The following CSMD1 variants were observed in gnomAD, a reference collection of about 807,000 sequenced individuals.
CSMD1 encodes the protein CUB and Sushi multiple domains 1.
CSMD1 carries 213 observed loss-of-function variants against 417.5 expected under a neutral mutation model. The observed-to-expected ratio is 0.51, with a 90% CI of 0.46 to 0.57. The LOEUF is 0.57. CSMD1 is among the 20% of genes least tolerant of loss of function. The probability of loss-of-function intolerance (pLI) is 0.00; values close to 1 mark genes in which losing one functional copy is unlikely to be tolerated. For synonymous variants in CSMD1, 2,862 were observed against 1,736.8 expected, an observed-to-expected ratio of 1.65 and a Z score of -16.11; for missense variants, 6,923 against 4,529.7, an observed-to-expected ratio of 1.53 and a Z score of -15.17.
chr8:4,604,859 AG>A (rs1800785212), intron 2 of CSMD1, among the ~76,000 whole-genome samples: 1 of 152,338 alleles, frequency 6.6e-6, no homozygotes. Flanking sequence ...TGATAGCAAA[AG>A]GTAATTATTG....
intron 3 of CSMD1, among the ~76,000 whole-genome samples, chr8:4,319,729 C>A (rs1418025663): frequency 6.6e-6 from 1 of 152,038 alleles, no homozygotes; most frequent in African/African-American, 2.4e-5. Flanking sequence ...GGAAAAAGAA[C>A]TGAGACTTGC....
At chr8:3,555,642 T>G (rs1195607965) in intron 10 of CSMD1, among the ~76,000 whole-genome samples, 1 of 152,236 alleles carries the variant, frequency 6.6e-6, no homozygotes, top group African/African-American at 2.4e-5. Context: ...AAAGTAAATA[T>G]GGAAGTACAT....
At chr8:4,332,798 G>C (rs565130542) in intron 3 of CSMD1, among the ~76,000 whole-genome samples, 1 of 152,034 alleles carries the variant, frequency 6.6e-6, no homozygotes, top group African/African-American at 2.4e-5. Context: ...AGTTATGTGT[G>C]GAGACAGGAG....
intron 3 of CSMD1, among the ~76,000 whole-genome samples, chr8:4,080,227 TA>T (rs202078324): frequency 0.017 from 2,596 of 152,272 alleles, 44 homozygotes; most frequent in South Asian, 0.052. Context: ...GTCTCCTCCT[TA>T]AAACCCATCA....
intron 3 of CSMD1, among the ~76,000 whole-genome samples, chr8:4,226,674 T>C (rs1472650620): frequency 6.6e-6 from 1 of 152,098 alleles, no homozygotes; most frequent in Non-Finnish European, 1.5e-5. Flanking sequence ...AATTAGTAAA[T>C]GTATTCCTTT....
intron 62 of CSMD1, among the ~76,000 whole-genome samples, chr8:2,960,254 T>C (rs964089627): frequency 6.6e-6 from 1 of 152,198 alleles, no homozygotes; most frequent in Non-Finnish European, 1.5e-5. Context: ...GAAAATGTGC[T>C]AGAGTCAGTA....
intron 3 of CSMD1, among the ~76,000 whole-genome samples, chr8:4,068,737 T>C (rs545706134): frequency 2.0e-4 from 30 of 152,310 alleles, no homozygotes; most frequent in African/African-American, 7.0e-4. Flanking sequence ...GCCTGCGCTG[T>C]GTATTTCTGT....
At chr8:4,437,280 A>G (rs748201545) in intron 2 of CSMD1, among the ~76,000 whole-genome samples, 1 of 152,220 alleles carries the variant, frequency 6.6e-6, no homozygotes, top group Non-Finnish European at 1.5e-5. Context: ...CTTCCTTTTA[A>G]GTAACTGAAA....
intron 12 of CSMD1, among the ~76,000 whole-genome samples, chr8:3,421,164 C>G (rs1490685028): frequency 1.3e-5 from 2 of 152,108 alleles, no homozygotes; most frequent in Non-Finnish European, 2.9e-5. Flanking sequence ...TGGGCAATTT[C>G]TTTTCTTAAA....
At chr8:3,540,370 T>C (rs1167647651) in intron 10 of CSMD1, among the ~76,000 whole-genome samples, 2 of 152,030 alleles carry the variant, frequency 1.3e-5, no homozygotes, top group East Asian at 1.9e-4. Context: ...TCCTTTAAAA[T>C]CAAGTACAGC....
At chr8:3,496,890 C>A (rs1796386956) in intron 10 of CSMD1, among the ~76,000 whole-genome samples, 1 of 152,146 alleles carries the variant, frequency 6.6e-6, no homozygotes, top group Non-Finnish European at 1.5e-5. Flanking sequence ...TGGCCTATTT[C>A]TTCATAGACC....
At chr8:3,853,899 A>G (rs1267493293) in intron 5 of CSMD1, among the ~76,000 whole-genome samples, 1 of 146,576 alleles carries the variant, frequency 6.8e-6, no homozygotes, top group Non-Finnish European at 1.5e-5. Context: ...TTATACTTTA[A>G]TATATTAATA....
intron 12 of CSMD1, among the ~76,000 whole-genome samples, chr8:3,438,090 C>G (rs1347563096): frequency 6.6e-6 from 1 of 152,136 alleles, no homozygotes; most frequent in Admixed American, 6.5e-5. Flanking sequence ...AAGCTTCAGA[C>G]TTAGCTATTA....
At chr8:4,408,675 T>C (rs577042300) in intron 3 of CSMD1, among the ~76,000 whole-genome samples, 1 of 152,312 alleles carries the variant, frequency 6.6e-6, no homozygotes, top group South Asian at 2.1e-4. Flanking sequence ...TAGTTCATTT[T>C]CTTGAAACCA....
chr8:4,296,741 A>G (rs952198981), intron 3 of CSMD1, among the ~76,000 whole-genome samples: 2 of 103,934 alleles, frequency 1.9e-5, no homozygotes, highest in Non-Finnish European at 3.6e-5. Context: ...TCTATTGGGT[A>G]TATTTCTACT....
At chr8:4,381,185 C>T (rs889822917) in intron 3 of CSMD1, among the ~76,000 whole-genome samples, 7 of 152,114 alleles carry the variant, frequency 4.6e-5, no homozygotes, top group Admixed American at 1.3e-4. Context: ...CAGTTCTCTA[C>T]GGTACTGATA....
chr8:4,623,460 C>T (rs771490306), intron 2 of CSMD1, among the ~76,000 whole-genome samples: 6 of 152,086 alleles, frequency 3.9e-5, no homozygotes, highest in Non-Finnish European at 8.8e-5. Flanking sequence ...ACATACTACC[C>T]ACCCATTCCA....
intron 12 of CSMD1, among the ~76,000 whole-genome samples, chr8:3,424,957 C>A (rs909809546): frequency 9.8e-5 from 15 of 152,296 alleles, no homozygotes; most frequent in Admixed American, 9.8e-4. Flanking sequence ...ACCTCAGCCC[C>A]TGGAGTGGCT....
chr8:4,283,864 C>A (rs886378165), intron 3 of CSMD1, among the ~76,000 whole-genome samples: 22 of 152,200 alleles, frequency 1.4e-4, no homozygotes, highest in Non-Finnish European at 2.5e-4. Flanking sequence ...CATGTGCTGA[C>A]CTCCAGGTCT....
Sources: gnomAD v4.1 joint callset for allele counts (sites outside exome capture counted in the v4.1 genomes callset) on GRCh38, gnomAD v4.1.1 for gene constraint, MANE v1.5 for transcripts, NCBI Gene and HGNC (gene_info 2026-07-23, HGNC 2026-07-21) for gene names.